Variants in PCCA observed in about 807,000 individuals in gnomAD.
The protein encoded by PCCA is propionyl-CoA carboxylase alpha chain, mitochondrial.
PCCA carries 74 observed loss-of-function variants against 101.3 expected under a neutral mutation model. The observed-to-expected ratio is 0.73, with a 90% confidence interval of 0.61 to 0.89. The LOEUF is 0.89. PCCA is among the 40% of genes least tolerant of loss of function. PCCA has a pLI of 0.00. For missense variants in PCCA, 891 were observed against 907.0 expected (o/e 0.98, Z 0.23); for synonymous variants, 294 against 313.6 (o/e 0.94, Z 0.66).
chr13:100,206,893 G>T (rs910532399), intron 6 of PCCA, among the ~76,000 whole-genome samples: 1 of 152,126 alleles, frequency 6.6e-6, no homozygotes, highest in Admixed American at 6.5e-5. Context: ...AGAAAAGGAC[G>T]CAGAGTAATC....
chr13:100,367,937 G>A (rs889369791), intron 18 of PCCA, among the ~76,000 whole-genome samples: 1 of 151,608 alleles, frequency 6.6e-6, no homozygotes, highest in Non-Finnish European at 1.5e-5. Flanking sequence ...CAGCCCGGGC[G>A]ACAGTGCAAG....
chr13:100,357,502 T>C (rs1450929746), intron 18 of PCCA, among the ~76,000 whole-genome samples: 2 of 152,240 alleles, frequency 1.3e-5, no homozygotes, highest in Non-Finnish European at 2.9e-5. Context: ...TTTTCTTTCC[T>C]CTTCTGCCTT....
At chr13:100,300,585 G>A (rs771664054) in intron 12 of PCCA, among the ~76,000 whole-genome samples, 3 of 152,190 alleles carry the variant, frequency 2.0e-5, no homozygotes, top group Non-Finnish European at 2.9e-5. Context: ...AGCAGCAGAT[G>A]TGGCCAAAGT....
At chr13:100,344,199 TTAAGATGA>T in intron 18 of PCCA, among the ~76,000 whole-genome samples, 1 of 152,316 alleles carries the variant, frequency 6.6e-6, no homozygotes, top group Non-Finnish European at 1.5e-5. Flanking sequence ...ATGAGAAGTG[TTAAGATGA>T]TGGAAGATAC....
intron 12 of PCCA, among the ~76,000 whole-genome samples, chr13:100,284,736 C>T (rs1301142043): frequency 6.6e-6 from 1 of 152,214 alleles, no homozygotes. Context: ...ATGTCTTCTT[C>T]TATATTTCCC....
At chr13:100,376,535 G>T (rs1360624734) in intron 19 of PCCA, among the ~76,000 whole-genome samples, 1 of 152,218 alleles carries the variant, frequency 6.6e-6, no homozygotes, top group Non-Finnish European at 1.5e-5. Flanking sequence ...CTTTCTTTCA[G>T]AGATGCCTTG....
chr13:100,222,130 C>T (rs2059856934), intron 7 of PCCA, among the ~76,000 whole-genome samples: 1 of 150,726 alleles, frequency 6.6e-6, no homozygotes, highest in Non-Finnish European at 1.5e-5. Flanking sequence ...CATCCCCGCC[C>T]CCTGGGTTCA....
intron 1 of PCCA, among the ~76,000 whole-genome samples, chr13:100,099,949 C>T (rs2047126909): frequency 6.6e-6 from 1 of 152,108 alleles, no homozygotes; most frequent in Admixed American, 6.6e-5. Context: ...GACCAGAACT[C>T]TTATTGACTA....
At chr13:100,262,275 C>T (rs2062571683) in intron 9 of PCCA, among the ~76,000 whole-genome samples, 1 of 151,956 alleles carries the variant, frequency 6.6e-6, no homozygotes. Flanking sequence ...CACCTGTATT[C>T]CCAGCTACTC....
intron 7 of PCCA, among the ~76,000 whole-genome samples, chr13:100,214,518 G>A (rs2059406851): frequency 1.3e-5 from 2 of 151,410 alleles, no homozygotes; most frequent in African/African-American, 4.9e-5. Flanking sequence ...TCTGCCTCCC[G>A]GGTTCAAGCG....
At chr13:100,500,735 A>AAGTTAG (rs759572109) in intron 21 of PCCA, among the ~76,000 whole-genome samples, 8 of 152,256 alleles carry the variant, frequency 5.3e-5, no homozygotes, top group Non-Finnish European at 1.2e-4. Flanking sequence ...ATTTAGGGAC[A>AAGTTAG]GCAACATTGA....
chr13:100,270,956 C>T (rs575486936), intron 11 of PCCA, among the ~76,000 whole-genome samples: 3 of 152,098 alleles, frequency 2.0e-5, no homozygotes, highest in Non-Finnish European at 4.4e-5. Flanking sequence ...TGCAGTGAGC[C>T]GACATCATGC....
At chr13:100,459,185 GA>G (rs1244175616) in intron 21 of PCCA, among the ~76,000 whole-genome samples, 1 of 152,156 alleles carries the variant, frequency 6.6e-6, no homozygotes, top group Non-Finnish European at 1.5e-5. Flanking sequence ...CCAGTCATCA[GA>G]TTTAAGGCTC....
chr13:100,194,504 G>C (rs747779445), intron 6 of PCCA, among the ~76,000 whole-genome samples: 1 of 152,114 alleles, frequency 6.6e-6, no homozygotes, highest in Non-Finnish European at 1.5e-5. Flanking sequence ...TGCAACCTCC[G>C]CCTCCCGGGT....
At chr13:100,505,974 G>A (rs995373862) in intron 21 of PCCA, among the ~76,000 whole-genome samples, 8 of 152,222 alleles carry the variant, frequency 5.3e-5, no homozygotes, top group East Asian at 1.9e-4. Flanking sequence ...CTTGCTAGGT[G>A]CGCTGCAGAT....
At chr13:100,366,414 C>T (rs1368249764) in intron 18 of PCCA, among the ~76,000 whole-genome samples, 2 of 152,118 alleles carry the variant, frequency 1.3e-5, no homozygotes, top group Non-Finnish European at 2.9e-5. Context: ...CTACTTATCC[C>T]TCATCTCTTT....
intron 7 of PCCA, among the ~76,000 whole-genome samples, chr13:100,209,698 C>A (rs1253322250): frequency 6.6e-6 from 1 of 152,016 alleles, no homozygotes; most frequent in Non-Finnish European, 1.5e-5. Flanking sequence ...ATGATGCAAT[C>A]TCGGTTCACT....
intron 8 of PCCA, among the ~76,000 whole-genome samples, chr13:100,252,939 A>G (rs764221626): frequency 2.2e-4 from 34 of 152,124 alleles, no homozygotes; most frequent in Non-Finnish European, 4.7e-4. Flanking sequence ...CCTTTCCTGT[A>G]TCACACCTTC....
intron 6 of PCCA, among the ~76,000 whole-genome samples, chr13:100,199,063 A>T (rs1321978582): frequency 1.3e-5 from 2 of 152,148 alleles, no homozygotes; most frequent in Non-Finnish European, 2.9e-5. Flanking sequence ...ACTCTGAAAT[A>T]GTTTTCAAAA....
Sources: allele counts gnomAD v4.1 joint callset (sites outside exome capture counted in the v4.1 genomes callset), GRCh38; gene constraint gnomAD v4.1.1; transcripts MANE v1.5; gene names NCBI Gene and HGNC (gene_info 2026-07-23, HGNC 2026-07-21).